ATRNL1: variants seen among roughly 807,000 people sequenced by gnomAD.
ATRNL1 encodes the protein attractin like 1.
A neutral mutation model predicts 182.7 loss-of-function variants in ATRNL1; 95 were observed. The observed-to-expected ratio is 0.52, with a 90% CI of 0.44 to 0.62. The LOEUF is 0.62. ATRNL1 is among the 20% of genes least tolerant of loss of function. The pLI, the probability that ATRNL1 is intolerant of heterozygous loss-of-function variation, is 0.00. For missense variants in ATRNL1, 1,471 were observed against 1,679.5 expected (o/e 0.88, Z 2.17); for synonymous variants, 576 against 568.3 (o/e 1.01, Z -0.19).
At chr10:115,442,303 C>CTCTCTCTCTCTCTCTCTCTCTCTCTGTG (rs782157017) in intron 21 of ATRNL1, among the ~76,000 whole-genome samples, 112 of 123,826 alleles carry the variant, frequency 9.0e-4, no homozygotes, top group Non-Finnish European at 1.3e-3. Context: ...CTCTCTCTCT[C>CTCTCTCTCTCTCTCTCTCTCTCTCTGTG]TGTGTGTATG....
chr10:115,684,307 G>A (rs1555045662), intron 26 of ATRNL1, among the ~76,000 whole-genome samples: 2 of 150,508 alleles, frequency 1.3e-5, no homozygotes, highest in South Asian at 2.1e-4. Flanking sequence ...GCATTTTGAG[G>A]GTATGTTACA....
At chr10:115,649,668 T>G (rs1276643643) in intron 26 of ATRNL1, among the ~76,000 whole-genome samples, 1 of 152,138 alleles carries the variant, frequency 6.6e-6, no homozygotes, top group Non-Finnish European at 1.5e-5. Flanking sequence ...TGCAAATATC[T>G]GTGCAAAATT....
At chr10:115,590,752 A>G (rs1555011899) in intron 26 of ATRNL1, among the ~76,000 whole-genome samples, 1 of 152,184 alleles carries the variant, frequency 6.6e-6, no homozygotes, top group Non-Finnish European at 1.5e-5. Context: ...CAATGAGGAA[A>G]CAGAACAAGA....
intron 27 of ATRNL1, among the ~76,000 whole-genome samples, chr10:115,790,106 C>G (rs1949492638): frequency 6.6e-6 from 1 of 151,938 alleles, no homozygotes; most frequent in Non-Finnish European, 1.5e-5. Context: ...TTTTCTTGTA[C>G]ATTTGTGTAT....
chr10:115,420,643 A>G (rs1477861357), intron 20 of ATRNL1, among the ~76,000 whole-genome samples: 3 of 152,136 alleles, frequency 2.0e-5, no homozygotes, highest in African/African-American at 4.8e-5. Context: ...GTTGTACCTC[A>G]AAGACCTAGA....
At chr10:115,206,101 G>A (rs1458394912) in intron 8 of ATRNL1, among the ~76,000 whole-genome samples, 6 of 151,986 alleles carry the variant, frequency 3.9e-5, no homozygotes, top group Non-Finnish European at 8.8e-5. Context: ...ATAGAATCCC[G>A]AGTTATAATT....
Position 115,389,969 on chromosome 10 carries a change from A to T in ATRNL1, c.3176-4690A>T, listed in dbSNP as rs371133093. ...TTAGTGATAGTGAACAGTTTTTCAT[A>T]TACCTATTGGCCATTTGTATGTCTG... On this transcript the variant is annotated intron_variant, in intron 19 of 28. Transcript: ENST00000355044. Among the ~76,000 whole-genome samples the T allele has an allele frequency of 1.3e-4, 20 of 152,172 alleles. No homozygotes were observed. In the South Asian group the frequency reaches 4.1e-3, roughly 32 times the overall value.
intron 13 of ATRNL1, among the ~76,000 whole-genome samples, chr10:115,273,172 G>A (rs572449105): frequency 6.6e-6 from 1 of 152,164 alleles, no homozygotes; most frequent in South Asian, 2.1e-4. Flanking sequence ...GGTTGGCCTC[G>A]GTGGATGGAA....
chr10:115,707,982 T>A (rs782329166), intron 26 of ATRNL1, among the ~76,000 whole-genome samples: 38 of 151,852 alleles, frequency 2.5e-4, no homozygotes, highest in Non-Finnish European at 4.9e-4. Context: ...ATTAATTTAA[T>A]TTTTGCCAAT....
At chr10:115,745,011 A>C (rs782559060) in intron 27 of ATRNL1, among the ~76,000 whole-genome samples, 6 of 152,148 alleles carry the variant, frequency 3.9e-5, no homozygotes, top group Admixed American at 6.6e-5. Flanking sequence ...ACACCAATCA[A>C]GATATACAAT....
intron 6 of ATRNL1, among the ~76,000 whole-genome samples, chr10:115,161,277 G>T (rs1193156706): frequency 6.6e-6 from 1 of 151,910 alleles, no homozygotes; most frequent in Non-Finnish European, 1.5e-5. Flanking sequence ...ATAAATTCTG[G>T]AGAGAAGGAG....
intron 7 of ATRNL1, among the ~76,000 whole-genome samples, chr10:115,169,730 A>T (rs1448916475): frequency 6.6e-6 from 1 of 152,116 alleles, no homozygotes; most frequent in Non-Finnish European, 1.5e-5. Flanking sequence ...ATCAATTTGG[A>T]GAGTATTATC....
At chr10:115,180,365 C>G (rs564450254) in intron 8 of ATRNL1, among the ~76,000 whole-genome samples, 1 of 151,820 alleles carries the variant, frequency 6.6e-6, no homozygotes. Flanking sequence ...TTGTTTATCA[C>G]GATTATTACC....
intron 24 of ATRNL1, among the ~76,000 whole-genome samples, chr10:115,488,214 G>A (rs7906824): frequency 0.71 from 107,757 of 151,982 alleles, 39,414 homozygotes; most frequent in African/African-American, 0.82. Flanking sequence ...AGGTTTTGGT[G>A]TCAGGATGAT....
chr10:115,488,016 G>A (rs1163103396), intron 24 of ATRNL1, among the ~76,000 whole-genome samples: 2 of 152,146 alleles, frequency 1.3e-5, no homozygotes, highest in African/African-American at 4.8e-5. Context: ...TTTATGCGAT[G>A]GACTAGTTTA....
At chr10:115,389,374 G>A (rs901779697) in intron 19 of ATRNL1, among the ~76,000 whole-genome samples, 1 of 150,806 alleles carries the variant, frequency 6.6e-6, no homozygotes, top group Admixed American at 6.6e-5. Context: ...GCGGGCATTA[G>A]TGGTGGTGGG....
intron 24 of ATRNL1, among the ~76,000 whole-genome samples, chr10:115,510,360 C>A (rs972731297): frequency 6.6e-6 from 1 of 151,976 alleles, no homozygotes; most frequent in African/African-American, 2.4e-5. Flanking sequence ...TGCAGTCAGT[C>A]ATTGTGGCAA....
In ATRNL1 at chr10:115,173,999, G is replaced by A. The variant is rs142356002; in HGVS notation, c.1348+2707G>A. ...TGTTTTTAATTATAGCTCTTCTCAC[G>A]TTTAGGGCCCTCCTTCCCCTTAACT... On this transcript the variant is annotated intron_variant, in intron 8 of 28. Coordinates refer to ENST00000355044, the MANE Select transcript of ATRNL1 (RefSeq NM_207303.4). Among the ~76,000 whole-genome samples, 32 of 150,788 alleles carry A rather than the reference G, an allele frequency of 2.1e-4. No individual in the cohort carries two copies. The East Asian group carries it at 3.5e-3, about 16-fold the overall frequency.
chr10:115,945,592 A>G lies in ATRNL1; in HGVS notation c.*813A>G, dbSNP rs1221330655. 2.6e-5 allele frequency: 4 copies of G among 152,210 alleles called. No homozygotes were observed. Among genetic ancestry groups the G allele is most frequent in the African/African-American group, 9.6e-5 (4 of 41,456 alleles). The allele number at this position is 152,210 out of a possible 1,614,324, so 9.4% of individuals were successfully genotyped here. On this transcript the variant is annotated 3_prime_UTR_variant, in exon 29 of 29. Transcript: ENST00000355044. ...CGAAATGGTTATTTTACAGCATACA[A>G]GCTTCTGCTCCAGTATGATAATTTT...
Sources: allele counts gnomAD v4.1 joint callset (sites outside exome capture counted in the v4.1 genomes callset), GRCh38; gene constraint gnomAD v4.1.1; transcripts MANE v1.5; gene names NCBI Gene and HGNC (gene_info 2026-07-23, HGNC 2026-07-21).